Variants in HAUS2 observed in about 807,000 individuals in gnomAD.
HAUS2 encodes the protein HAUS augmin like complex subunit 2.
Under a neutral mutation model 21.6 loss-of-function variants are expected in HAUS2, and 20 were observed. The observed-to-expected ratio is 0.93, with a 90% CI of 0.65 to 1.35. The LOEUF is 1.35. Ranked by LOEUF, HAUS2 falls within the 40% of genes most tolerant of loss-of-function variation. HAUS2 has a pLI of 0.00. For synonymous variants in HAUS2, 113 were observed against 95.6 expected (o/e 1.18, Z -1.06); for missense variants, 297 against 280.7 (o/e 1.06, Z -0.42).
chr15:42,563,142 C>G (rs984442684), intron 4 of HAUS2, among the ~76,000 whole-genome samples: 30 of 149,778 alleles, frequency 2.0e-4, no homozygotes, highest in Non-Finnish European at 7.4e-5. Context: ...TGGGGCTGGG[C>G]AAGGTGGCTC....
chr15:42,550,482 T>A (rs920788971), intron 1 of HAUS2, among the ~76,000 whole-genome samples: 1 of 152,166 alleles, frequency 6.6e-6, no homozygotes, highest in Non-Finnish European at 1.5e-5. Context: ...ACTCTCCCTT[T>A]TGACACATTG....
rs60790520 is a variant in HAUS2 at position 42,553,144 on chromosome 15, G to A, written c.93+4179G>A. Among the ~76,000 whole-genome samples the A allele has an allele frequency of 9.2e-5, 14 of 151,970 alleles. No homozygotes were observed. The East Asian group carries it at 2.7e-3, about 29-fold the overall frequency. On this transcript the variant is annotated intron_variant, in intron 1 of 5. Transcript: ENST00000260372. The stretch of plus-strand genomic sequence containing the variant: ...TGAGATTACAGGCACATACCACCAC[G>A]CCCGGCTAATTTTTGTATTTTTAGT...
At chr15:42,565,357 T>C (rs1020860044) in intron 5 of HAUS2, among the ~76,000 whole-genome samples, 2 of 151,366 alleles carry the variant, frequency 1.3e-5, no homozygotes, top group Admixed American at 1.3e-4. Context: ...AACCTTAGAC[T>C]TTACTGTCTG....
intron 4 of HAUS2, among the ~76,000 whole-genome samples, chr15:42,563,092 AAC>A (rs952695921): frequency 2.0e-5 from 3 of 150,876 alleles, no homozygotes; most frequent in African/African-American, 7.4e-5. Flanking sequence ...CAGCCTGGGC[AAC>A]AGAGTCAGAC....
chr15:42,549,939 G>C (rs2057704705), intron 1 of HAUS2, among the ~76,000 whole-genome samples: 1 of 151,946 alleles, frequency 6.6e-6, no homozygotes. Flanking sequence ...AGCCAACAGA[G>C]GGAGAAATTG....
At chr15:42,561,511 T>C (rs1255841585) in intron 4 of HAUS2, 109 bp downstream of exon 4, 1 of 705,882 alleles carries the variant, frequency 1.4e-6, no homozygotes, top group African/African-American at 1.8e-5. Flanking sequence ...ATTGTATTTG[T>C]TAACATTATT....
intron 2 of HAUS2, among the ~76,000 whole-genome samples, chr15:42,558,637 A>C (rs2057814624): frequency 6.6e-6 from 1 of 151,492 alleles, no homozygotes; most frequent in African/African-American, 2.4e-5. Flanking sequence ...TGAACTTTTC[A>C]CTTTCTACTC....
In HAUS2 at chr15:42,566,636, G is replaced by A; in HGVS notation, c.528G>A (p.Leu176=). 1 of 1,606,114 alleles carries A rather than the reference G, an allele frequency of 6.2e-7. No individual in the cohort carries two copies. Reference sequence around the variant, plus strand: ...AGGCTTTAGCAAAGATGGATATATTGGTGACTGAGACAGAAGAACTGGCAG... The same window carrying A: ...AGGCTTTAGCAAAGATGGATATATTAGTGACTGAGACAGAAGAACTGGCAG... ...MNQALAKMDI[L]VTETEELAEN... The change falls in exon 6 of 6, where the codon TTG becomes TTA. Residue 176 remains leucine (L), a synonymous_variant. Transcript: ENST00000260372.
At chr15:42,551,609 C>T (rs1024324120) in intron 1 of HAUS2, among the ~76,000 whole-genome samples, 6 of 152,052 alleles carry the variant, frequency 3.9e-5, no homozygotes, top group Non-Finnish European at 8.8e-5. Flanking sequence ...CCACTGCACT[C>T]CAGCCTGGGT....
intron 1 of HAUS2, among the ~76,000 whole-genome samples, chr15:42,554,103 A>G (rs1412243864): frequency 2.0e-5 from 3 of 152,174 alleles, no homozygotes; most frequent in Non-Finnish European, 4.4e-5. Flanking sequence ...AGATTTGTCA[A>G]TTCCATCTTT....
chr15:42,568,281 T>C lies in HAUS2; in HGVS notation c.*1465T>C, dbSNP rs1398390542. ...TATTTTATAATGAACAGAAGTTTAT[T>C]TGGTTGACAGGTGTGGAGGCTAGGC... On this transcript the variant is annotated 3_prime_UTR_variant, in exon 6 of 6. Transcript: ENST00000260372. The C allele has an allele frequency of 6.6e-6, 1 of 152,178 alleles. No homozygotes were observed. Among genetic ancestry groups the C allele is most frequent in the African/African-American group, 2.4e-5 (1 of 41,426 alleles). 9.4% of individuals were successfully genotyped at this position (152,178 alleles called of 1,614,324 possible). A position where few individuals can be genotyped will look rare whatever the true frequency, so the allele number is the denominator to read the frequency against.
intron 1 of HAUS2, among the ~76,000 whole-genome samples, chr15:42,557,176 C>A (rs1748713229): frequency 6.9e-6 from 1 of 145,948 alleles, no homozygotes; most frequent in African/African-American, 2.5e-5. Flanking sequence ...ATTAGCCGGG[C>A]ATGGTGGTGG....
Position 42,566,758 on chromosome 15 carries a change from T to C in HAUS2, c.650T>C (p.Ile217Thr). The change falls in exon 6 of 6, where the codon ATA (isoleucine) becomes ACA (threonine). Residue 217 changes from isoleucine to threonine, a missense_variant. By Grantham distance (89) the Ile-to-Thr change is moderately conservative. Coordinates refer to ENST00000260372, the MANE Select transcript of HAUS2 (RefSeq NM_018097.3). ...EESYLYKHDIIMPPLPFTSKV... is the reference protein window; with the variant it reads ...EESYLYKHDITMPPLPFTSKV... ...AGTTATCTTTATAAACATGATATTA[T>C]AATGCCTCCTTTACCTTTTACTTCT... The C allele has an allele frequency of 6.4e-7, 1 of 1,559,104 alleles. No individual in the cohort carries two copies. The highest frequency in any genetic ancestry group is 8.8e-7 in the Non-Finnish European group (1 of 1,130,078).
chr15:42,567,999 G>C lies in HAUS2; in HGVS notation c.*1183G>C, dbSNP rs2057922581. 6.9e-6 allele frequency: 1 copy of C among 144,010 alleles called. No homozygotes were observed. Among genetic ancestry groups the C allele is most frequent in the South Asian group, 2.3e-4 (1 of 4,406 alleles). 8.9% of individuals were successfully genotyped at this position (144,010 alleles called of 1,614,324 possible). On this transcript the variant is annotated 3_prime_UTR_variant, in exon 6 of 6. Transcript: ENST00000260372. ...CCACCGCACTCTAGCCTGGGCAACA[G>C]AGCAAGACTCTGTCTTAAAAAAAAA...
intron 3 of HAUS2, chr15:42,561,002 G>C (rs981958608): frequency 5.1e-6 from 3 of 584,516 alleles, no homozygotes; most frequent in Middle Eastern, 2.9e-4. Context: ...AAGAAGTAGA[G>C]ATGAGAAACA....
chr15:42,559,109 G>A (rs1329781942), intron 2 of HAUS2, among the ~76,000 whole-genome samples: 3 of 150,912 alleles, frequency 2.0e-5, no homozygotes, highest in Admixed American at 6.6e-5. Flanking sequence ...ACAGCAAAAT[G>A]AAAAACTTCA....
intron 1 of HAUS2, 52 bp downstream of exon 1, chr15:42,549,017 A>G (rs1475614166): frequency 4.3e-6 from 5 of 1,175,632 alleles, no homozygotes; most frequent in East Asian, 5.1e-5. Context: ...GGTGGCAACA[A>G]TATGGCTGTG....
At chr15:42,552,935 C>T (rs2057739370) in intron 1 of HAUS2, among the ~76,000 whole-genome samples, 2 of 151,850 alleles carry the variant, frequency 1.3e-5, no homozygotes, top group South Asian at 4.2e-4. Context: ...GAAAGAGTGC[C>T]CACCAATTAC....
In HAUS2 at chr15:42,566,622, A is replaced by G; in HGVS notation, c.514A>G (p.Lys172Glu). ...NLKKMNQALA[K>E]MDILVTETEE... ...AATGTTACAGAACCAGGCTTTAGCAAAGATGGATATATTGGTGACTGAGAC... is the reference window on the plus strand; with the variant it reads ...AATGTTACAGAACCAGGCTTTAGCAGAGATGGATATATTGGTGACTGAGAC... Residue 172 changes from lysine to glutamate, a missense_variant, in exon 6 of 6, where the codon AAG becomes GAG. Lys to Glu is a moderately conservative substitution (Grantham distance 56, BLOSUM62 1). Coordinates refer to ENST00000260372, the MANE Select transcript of HAUS2 (RefSeq NM_018097.3). The G allele has an allele frequency of 6.3e-7, 1 of 1,592,082 alleles. No individual in the cohort carries two copies. The highest frequency in any genetic ancestry group is 8.6e-7 in the Non-Finnish European group (1 of 1,160,088).
Sources: allele counts gnomAD v4.1 joint callset (sites outside exome capture counted in the v4.1 genomes callset), GRCh38; gene constraint gnomAD v4.1.1; transcripts MANE v1.5; gene names NCBI Gene and HGNC (gene_info 2026-07-23, HGNC 2026-07-21).